The following MARCHF1 variants were observed in gnomAD, a reference collection of about 807,000 sequenced individuals.
MARCHF1 encodes the protein membrane associated ring-CH-type finger 1.
A neutral mutation model predicts 54.2 loss-of-function variants in MARCHF1; 40 were observed. The observed-to-expected ratio is 0.74, with a 90% CI of 0.57 to 0.96. The LOEUF (loss-of-function observed/expected upper bound fraction) is 0.96. Ranked by LOEUF, MARCHF1 falls within the 40% of genes least tolerant of loss-of-function variation. MARCHF1 has a pLI of 0.00. For synonymous variants in MARCHF1, 236 were observed against 236.3 expected, an observed-to-expected ratio of 1.00 and a Z score of 0.01; for missense variants, 586 against 656.5, an observed-to-expected ratio of 0.89 and a Z score of 1.17.
intron 1 of MARCHF1, among the ~76,000 whole-genome samples, chr4:164,183,040 T>TA (rs1400825067): frequency 3.9e-5 from 6 of 152,076 alleles, no homozygotes; most frequent in Admixed American, 2.0e-4. Context: ...AGCCTAATAT[T>TA]AAAAAGTTCT....
At chr4:164,371,906 G>A (rs541013456) in intron 1 of MARCHF1, among the ~76,000 whole-genome samples, 135 of 152,008 alleles carry the variant, frequency 8.9e-4, no homozygotes, top group African/African-American at 2.8e-3. Flanking sequence ...TAAAAGTAAC[G>A]TATCATTTAT....
intron 3 of MARCHF1, among the ~76,000 whole-genome samples, chr4:163,924,113 T>G (rs960114598): frequency 7.2e-5 from 11 of 152,080 alleles, no homozygotes; most frequent in African/African-American, 2.7e-4. Context: ...TGTAGAAAGG[T>G]TTGCACAACA....
chr4:164,360,060 C>A (rs1254259856), intron 1 of MARCHF1, among the ~76,000 whole-genome samples: 1 of 152,020 alleles, frequency 6.6e-6, no homozygotes, highest in Non-Finnish European at 1.5e-5. Context: ...GTATTGCACA[C>A]CTATTATAGC....
intron 5 of MARCHF1, among the ~76,000 whole-genome samples, chr4:163,646,717 T>A (rs1742772937): frequency 6.6e-6 from 1 of 152,128 alleles, no homozygotes; most frequent in Non-Finnish European, 1.5e-5. Context: ...TTGTTAAAGA[T>A]GTTTTATGAA....
At position 163,655,552 on chromosome 4, in the gene MARCHF1, T is replaced by A. The variant is rs371121857; in HGVS notation, c.163-42159A>T. Among the ~76,000 whole-genome samples the A allele has an allele frequency of 4.6e-5, 7 of 151,898 alleles. 1 individual carries two copies. The highest frequency in any genetic ancestry group is 1.7e-4 in the African/African-American group (7 of 41,500). On this transcript the variant is annotated intron_variant, in intron 5 of 9. Coordinates refer to ENST00000514618, the MANE Select transcript of MARCHF1 (RefSeq NM_001394959.1). ...AACTTGAACTCAGCCCTGGATCAAG[T>A]GGACCTGATAGGTATCTACAGGACT...
intron 2 of MARCHF1, among the ~76,000 whole-genome samples, chr4:164,060,663 C>T (rs769089259): frequency 2.6e-5 from 4 of 151,966 alleles, no homozygotes; most frequent in Non-Finnish European, 5.9e-5. Context: ...AAAAAACATC[C>T]AGCATTCTTT....
intron 9 of MARCHF1, among the ~76,000 whole-genome samples, chr4:163,537,335 C>T (rs1738569252): frequency 6.6e-6 from 1 of 152,096 alleles, no homozygotes; most frequent in Non-Finnish European, 1.5e-5. Context: ...AAAGAATGTA[C>T]ACCACAAAAA....
At chr4:164,141,159 C>A (rs1355551132) in intron 1 of MARCHF1, among the ~76,000 whole-genome samples, 1 of 152,184 alleles carries the variant, frequency 6.6e-6, no homozygotes, top group Non-Finnish European at 1.5e-5. Flanking sequence ...CTGGTTGTAG[C>A]AACAGGCATC....
At chr4:164,287,563 T>C (rs1734181710) in intron 1 of MARCHF1, among the ~76,000 whole-genome samples, 1 of 152,178 alleles carries the variant, frequency 6.6e-6, no homozygotes, top group African/African-American at 2.4e-5. Flanking sequence ...TTACTTTGTG[T>C]GCAACCCTAG....
chr4:163,734,903 T>C (rs1321319973), intron 4 of MARCHF1, among the ~76,000 whole-genome samples: 1 of 152,180 alleles, frequency 6.6e-6, no homozygotes, highest in African/African-American at 2.4e-5. Context: ...CCCTCTAATG[T>C]CTTTCCATTT....
At chr4:164,378,698 T>C (rs1178152588) in intron 1 of MARCHF1, among the ~76,000 whole-genome samples, 1 of 152,226 alleles carries the variant, frequency 6.6e-6, no homozygotes, top group South Asian at 2.1e-4. Flanking sequence ...ATAGATCATC[T>C]GGAGCCTTTA....
chr4:163,994,921 C>T lies in MARCHF1; in HGVS notation c.-247-6212G>A, dbSNP rs188729431. On this transcript the variant is annotated intron_variant, in intron 2 of 9. Transcript: ENST00000514618. The stretch of plus-strand genomic sequence containing the variant: ...TAGTTTTTTCAAGGAAAAACACCCT[C>T]AAACTGTGATTTTCTATTTTACACA... Among the ~76,000 whole-genome samples the T allele has an allele frequency of 4.5e-3, 678 of 152,182 alleles. 2 individuals carry two copies. Among genetic ancestry groups the T allele is most frequent in the Non-Finnish European group, 8.0e-3 (541 of 67,986 alleles).
At chr4:164,174,566 G>C (rs1041212806) in intron 1 of MARCHF1, among the ~76,000 whole-genome samples, 1 of 152,164 alleles carries the variant, frequency 6.6e-6, no homozygotes, top group African/African-American at 2.4e-5. Flanking sequence ...CCTGATGGTT[G>C]TATCTACTGA....
chr4:163,742,347 TCTCCCTCC>T (rs543612534), intron 4 of MARCHF1, among the ~76,000 whole-genome samples: 3 of 124,250 alleles, frequency 2.4e-5, no homozygotes, highest in South Asian at 6.2e-4. Context: ...TCCCTCCCTC[TCTCCCTCC>T]CTCCCTCCCT....
In MARCHF1 at chr4:164,262,108, A is replaced by G. The variant is rs961637184; in HGVS notation, c.-323+121762T>C. Among the ~76,000 whole-genome samples the G allele has an allele frequency of 1.1e-4, 11 of 101,022 alleles. No individual in the cohort carries two copies. In the East Asian group the frequency reaches 1.1e-3, roughly 10 times the overall value. 66.3% of individuals were successfully genotyped at this position (101,022 alleles called of 152,430 possible). ...TGACAGAGCTAGTCCCTATCTTAAGAAAAAAAAAAAAAAAAAAGAATAGAG... is the reference window on the plus strand; with the variant it reads ...TGACAGAGCTAGTCCCTATCTTAAGGAAAAAAAAAAAAAAAAAGAATAGAG... On this transcript the variant is annotated intron_variant, in intron 1 of 9. Coordinates refer to ENST00000514618, the MANE Select transcript of MARCHF1 (RefSeq NM_001394959.1).
chr4:163,636,257 G>A (rs1265317855), intron 5 of MARCHF1, among the ~76,000 whole-genome samples: 1 of 150,916 alleles, frequency 6.6e-6, no homozygotes, highest in Non-Finnish European at 1.5e-5. Context: ...CAATTAGGCA[G>A]GAGAAGGAAA....
intron 1 of MARCHF1, among the ~76,000 whole-genome samples, chr4:164,313,569 G>T (rs923618363): frequency 6.6e-6 from 1 of 152,098 alleles, no homozygotes; most frequent in Non-Finnish European, 1.5e-5. Context: ...AGTGAAGTGG[G>T]TATGGTCTCT....
chr4:164,005,703 G>T (rs905763447), intron 2 of MARCHF1, among the ~76,000 whole-genome samples: 16 of 152,088 alleles, frequency 1.1e-4, no homozygotes, highest in African/African-American at 3.9e-4. Flanking sequence ...TAGAGGAAGT[G>T]GGACTACCAT....
At chr4:163,721,703 C>A (rs1579226761) in intron 4 of MARCHF1, among the ~76,000 whole-genome samples, 1 of 152,230 alleles carries the variant, frequency 6.6e-6, no homozygotes, top group Non-Finnish European at 1.5e-5. Context: ...GCCTCAATTT[C>A]AGAGCCTGTT....
Sources: gnomAD v4.1 joint callset for allele counts (sites outside exome capture counted in the v4.1 genomes callset) on GRCh38, gnomAD v4.1.1 for gene constraint, MANE v1.5 for transcripts, NCBI Gene and HGNC (gene_info 2026-07-23, HGNC 2026-07-21) for gene names.